Variants in EMID1 observed in about 807,000 individuals in gnomAD.
EMID1 encodes EMI domain-containing protein 1.
Under a neutral mutation model 60.6 loss-of-function variants are expected in EMID1, and 40 were observed. The ratio of observed to expected loss-of-function variants is 0.66; its 90% confidence interval spans 0.51 to 0.86. The LOEUF (loss-of-function observed/expected upper bound fraction) is 0.86. Ranked by LOEUF, EMID1 falls within the 40% of genes least tolerant of loss-of-function variation. The pLI, the probability that EMID1 is intolerant of heterozygous loss-of-function variation, is 0.00. For synonymous variants in EMID1, 242 were observed against 231.0 expected (o/e 1.05, Z -0.43); for missense variants, 585 against 597.1 (o/e 0.98, Z 0.21).
chr22:29,216,111 C>T (rs1442453991), intron 3 of EMID1, among the ~76,000 whole-genome samples: 6 of 152,130 alleles, frequency 3.9e-5, no homozygotes, highest in Admixed American at 2.0e-4. Context: ...CGCCCCCCCA[C>T]CCCTGGGCTC....
intron 13 of EMID1, among the ~76,000 whole-genome samples, chr22:29,245,391 G>A (rs1277545032): frequency 6.6e-6 from 1 of 152,202 alleles, no homozygotes; most frequent in African/African-American, 2.4e-5. Context: ...AGAATCCCCG[G>A]CAGGATGCCC....
chr22:29,257,159 C>T (rs2041734236), intron 14 of EMID1, among the ~76,000 whole-genome samples: 1 of 152,170 alleles, frequency 6.6e-6, no homozygotes, highest in Admixed American at 6.5e-5. Context: ...ACACCCACTG[C>T]CAGTGGCCCC....
intron 12 of EMID1, among the ~76,000 whole-genome samples, chr22:29,239,299 AT>A (rs34129317): frequency 0.32 from 43,007 of 132,412 alleles, 9,901 homozygotes; most frequent in East Asian, 0.63. Context: ...TTTAAAAAAA[AT>A]TTTTTTTTAA....
At chr22:29,253,864 G>C in intron 13 of EMID1, 1 of 980,012 alleles carries the variant, frequency 1.0e-6, no homozygotes, top group Non-Finnish European at 1.2e-6. Context: ...TTAGAGGACA[G>C]GAGGGCTCCC....
At chr22:29,215,795 C>G (rs978682182) in intron 3 of EMID1, among the ~76,000 whole-genome samples, 165 bp downstream of exon 3, 3 of 152,132 alleles carry the variant, frequency 2.0e-5, no homozygotes, top group Admixed American at 6.5e-5. Context: ...TGTTGTCCCC[C>G]CTGCCCCCCA....
Position 29,231,508 on chromosome 22 carries a change from G to T in EMID1, c.587-85G>T. 5 of 1,399,494 alleles carry T rather than the reference G, an allele frequency of 3.6e-6. No homozygotes were observed. The East Asian group carries it at 7.5e-5, about 21-fold the overall frequency. The allele number at this position is 1,399,494 out of a possible 1,614,324, so 86.7% of individuals were successfully genotyped here. On this transcript the variant is annotated intron_variant, in intron 6 of 14. Transcript: ENST00000334018. Reference sequence around the variant, plus strand: ...GAGGGTCCCGCTGCTTCCCCGAAATGGTAGATGCTGGTTGGGGGGCTGGGG... The same window carrying T: ...GAGGGTCCCGCTGCTTCCCCGAAATTGTAGATGCTGGTTGGGGGGCTGGGG...
chr22:29,234,186 A>T lies in EMID1; in HGVS notation c.1016A>T (p.Glu339Val). The change falls in exon 11 of 15, where the codon GAG (glutamate) becomes GTG (valine). Residue 339 changes from glutamate (E) to valine (V), a missense_variant. Coordinates refer to ENST00000334018, the MANE Select transcript of EMID1 (RefSeq NM_133455.4). ...GPKGISGHPG[E>V]KGERGLRGEP... ...AAAGGAATCTCTGGCCACCCAGGAGAGAAGGGCGAGAGAGTGAGTACCCAG... is the reference window on the plus strand; with the variant it reads ...AAAGGAATCTCTGGCCACCCAGGAGTGAAGGGCGAGAGAGTGAGTACCCAG... The T allele has an allele frequency of 6.2e-7, 1 of 1,604,546 alleles. No individual in the cohort carries two copies. Among genetic ancestry groups the T allele is most frequent in the Non-Finnish European group, 8.5e-7 (1 of 1,175,374 alleles).
intron 10 of EMID1, 76 bp downstream of exon 10, chr22:29,233,742 C>A (rs1243013370): frequency 8.9e-6 from 12 of 1,348,342 alleles, no homozygotes; most frequent in Admixed American, 1.9e-5. Flanking sequence ...TACATCTGTC[C>A]ATCATCCACC....
At position 29,214,941 on chromosome 22, in the gene EMID1, T is replaced by C; in HGVS notation, c.117T>C (p.Tyr39=). ...PFSGRRNWCS[Y]VVTRTISCHV... ...TCTGTTTCAGGAACTGGTGCTCCTATGTGGTGACCCGCACCATCTCATGCC... is the reference window on the plus strand; with the variant it reads ...TCTGTTTCAGGAACTGGTGCTCCTACGTGGTGACCCGCACCATCTCATGCC... Residue 39 remains tyrosine, a synonymous_variant, in exon 2 of 15, where the codon TAT becomes TAC. Transcript: ENST00000334018. 1 of 1,540,474 alleles carries C rather than the reference T, an allele frequency of 6.5e-7. No homozygotes were observed. Among genetic ancestry groups the C allele is most frequent in the Non-Finnish European group, 8.8e-7 (1 of 1,138,418 alleles).
chr22:29,218,966 C>T (rs969290463), intron 3 of EMID1, among the ~76,000 whole-genome samples: 1 of 152,210 alleles, frequency 6.6e-6, no homozygotes, highest in Non-Finnish European at 1.5e-5. Flanking sequence ...GCCCCAGATC[C>T]TCCTGCAATA....
chr22:29,231,771 C>A, intron 7 of EMID1, 89 bp downstream of exon 7: 1 of 1,288,572 alleles, frequency 7.8e-7, no homozygotes, highest in Non-Finnish European at 1.0e-6. Flanking sequence ...GCCAGGATGA[C>A]CTGGGCCCTT....
At chr22:29,226,613 C>T (rs1426703459) in intron 5 of EMID1, 62 bp downstream of exon 5, 2 of 1,534,654 alleles carry the variant, frequency 1.3e-6, no homozygotes, top group Admixed American at 1.9e-5. Flanking sequence ...AGGCAACCAC[C>T]ATCCCACCCT....
At chr22:29,241,669 G>C (rs9625746) in intron 12 of EMID1, among the ~76,000 whole-genome samples, 45,624 of 151,926 alleles carry the variant, frequency 0.3, 8,771 homozygotes, top group Middle Eastern at 0.45. Context: ...GATTACAGGC[G>C]TGAGCTACCG....
Position 29,250,941 on chromosome 22 carries a change from A to G in EMID1, c.1120-3262A>G, listed in dbSNP as rs1285982828. ...TTTTTTATTTTTTATTTTTTGAGAT[A>G]GGGTCTTGCTGTGTTGCCCAGGCTG... On this transcript the variant is annotated intron_variant, in intron 13 of 14. Transcript: ENST00000334018. Among the ~76,000 whole-genome samples the G allele has an allele frequency of 9.3e-5, 14 of 150,092 alleles. No homozygotes were observed. In the Admixed American group the frequency reaches 9.3e-4, roughly 10 times the overall value.
intron 13 of EMID1, among the ~76,000 whole-genome samples, chr22:29,246,166 C>T (rs1444832879): frequency 1.3e-5 from 2 of 152,262 alleles, no homozygotes; most frequent in African/African-American, 4.8e-5. Flanking sequence ...GTGCAAAGGC[C>T]CTGTGGCAAG....
intron 5 of EMID1, 131 bp from the exon 6 acceptor site, chr22:29,230,889 G>A (rs1568986578): frequency 2.5e-6 from 3 of 1,224,176 alleles, no homozygotes; most frequent in Non-Finnish European, 3.3e-6. Context: ...CCGGGTGGTT[G>A]AGGCTGCATG....
chr22:29,210,790 G>A (rs2039853672), intron 1 of EMID1, among the ~76,000 whole-genome samples: 2 of 152,186 alleles, frequency 1.3e-5, no homozygotes, highest in African/African-American at 4.8e-5. Flanking sequence ...GACCATCACA[G>A]GCCCACCTCT....
chr22:29,250,952 G>A (rs1290812011), intron 13 of EMID1, among the ~76,000 whole-genome samples: 1 of 130,188 alleles, frequency 7.7e-6, no homozygotes, highest in Non-Finnish European at 1.7e-5. Context: ...GGGTCTTGCT[G>A]TGTTGCCCAG....
intron 1 of EMID1, among the ~76,000 whole-genome samples, chr22:29,208,565 G>C (rs1469480891): frequency 6.6e-6 from 1 of 152,210 alleles, no homozygotes; most frequent in South Asian, 2.1e-4. Flanking sequence ...CAAATCCTAG[G>C]ATCAGGGAGA....
Sources: allele counts gnomAD v4.1 joint callset (sites outside exome capture counted in the v4.1 genomes callset), GRCh38; gene constraint gnomAD v4.1.1; transcripts MANE v1.5; gene names NCBI Gene and HGNC (gene_info 2026-07-23, HGNC 2026-07-21).